ITGA9: variants seen among roughly 807,000 people sequenced by gnomAD.
ITGA9 encodes integrin alpha-9.
In ITGA9, 56 loss-of-function variants were observed where a neutral mutation model predicts 127.8. The observed-to-expected ratio is 0.44, with a 90% confidence interval of 0.35 to 0.55. The LOEUF is 0.55. Ranked by LOEUF, ITGA9 falls within the 20% of genes least tolerant of loss-of-function variation. The pLI is 0.00. For missense variants in ITGA9, 1,196 were observed against 1,347.1 expected, an observed-to-expected ratio of 0.89 and a Z score of 1.76; for synonymous variants, 508 against 514.5, an observed-to-expected ratio of 0.99 and a Z score of 0.17.
At chr3:37,738,264 C>T (rs1696389433) in intron 20 of ITGA9, among the ~76,000 whole-genome samples, 1 of 152,196 alleles carries the variant, frequency 6.6e-6, no homozygotes, top group African/African-American at 2.4e-5. Flanking sequence ...AGAAGGGCTT[C>T]AGTGGGGAGG....
rs149412161 is a variant in ITGA9 at position 37,711,595 on chromosome 3, T to A, written c.2068-21117T>A. 2.2e-3 allele frequency among the ~76,000 whole-genome samples: 339 copies of A among 152,178 alleles called. 3 individuals carry two copies. The highest frequency in any genetic ancestry group is 2.5e-3 in the East Asian group (13 of 5,176). On this transcript the variant is annotated intron_variant, in intron 18 of 27. Coordinates refer to ENST00000264741, the MANE Select transcript of ITGA9 (RefSeq NM_002207.3). Reference sequence around the variant, plus strand: ...ATTTTTTAATTTTTCGTAGAGATGGTGTCTTGCTGTGTTGCCCAGGCTGGC... The same window carrying A: ...ATTTTTTAATTTTTCGTAGAGATGGAGTCTTGCTGTGTTGCCCAGGCTGGC...
At chr3:37,512,269 G>C (rs761870526) in intron 8 of ITGA9, among the ~76,000 whole-genome samples, 1 of 148,284 alleles carries the variant, frequency 6.7e-6, no homozygotes, top group African/African-American at 2.5e-5. Context: ...GCCCAGGCTA[G>C]AGTGCAGTGG....
Position 37,740,769 on chromosome 3 carries a change from T to A in ITGA9, c.2235-961T>A, listed in dbSNP as rs185545215. 1.1e-4 allele frequency among the ~76,000 whole-genome samples: 17 copies of A among 152,338 alleles called. No individual in the cohort carries two copies. The East Asian group carries it at 3.3e-3, about 29-fold the overall frequency. On this transcript the variant is annotated intron_variant, in intron 20 of 27. Transcript: ENST00000264741. ...CCACTTAACAGCATCAATTCCCTCATGTTCACCTTTCCAGAATGATCTCAC... is the reference window on the plus strand; with the variant it reads ...CCACTTAACAGCATCAATTCCCTCAAGTTCACCTTTCCAGAATGATCTCAC...
At chr3:37,677,545 T>G (rs2125659596) in intron 17 of ITGA9, among the ~76,000 whole-genome samples, 1 of 152,362 alleles carries the variant, frequency 6.6e-6, no homozygotes, top group Non-Finnish European at 1.5e-5. Context: ...GCTAAGGAAA[T>G]AAACACAATT....
chr3:37,673,294 G>A (rs372315192), intron 17 of ITGA9, among the ~76,000 whole-genome samples: 2 of 152,296 alleles, frequency 1.3e-5, no homozygotes, highest in African/African-American at 2.4e-5. Context: ...GTAATGGACT[G>A]AGAATCTGAA....
intron 18 of ITGA9, among the ~76,000 whole-genome samples, chr3:37,727,712 A>T (rs1184901670): frequency 6.6e-6 from 1 of 152,200 alleles, no homozygotes. Flanking sequence ...CCTTTGCTTC[A>T]TATTTTGTCT....
intron 1 of ITGA9, among the ~76,000 whole-genome samples, chr3:37,468,103 T>G (rs1698390680): frequency 6.6e-6 from 1 of 152,106 alleles, no homozygotes; most frequent in Non-Finnish European, 1.5e-5. Flanking sequence ...TGCTTTGATT[T>G]CCAAAGGGCT....
chr3:37,500,514 C>G (rs1191872956), intron 5 of ITGA9, among the ~76,000 whole-genome samples: 1 of 152,184 alleles, frequency 6.6e-6, no homozygotes, highest in Non-Finnish European at 1.5e-5. Context: ...AGGCTCTTCC[C>G]CAAATTAACC....
At chr3:37,504,146 T>A (rs1406451643) in intron 6 of ITGA9, among the ~76,000 whole-genome samples, 1 of 152,134 alleles carries the variant, frequency 6.6e-6, no homozygotes, top group Non-Finnish European at 1.5e-5. Flanking sequence ...TAACTACAAG[T>A]TTTTTGCCTG....
chr3:37,532,245 G>A (rs1197209078), intron 13 of ITGA9, among the ~76,000 whole-genome samples: 1 of 152,210 alleles, frequency 6.6e-6, no homozygotes, highest in African/African-American at 2.4e-5. Flanking sequence ...CCAGCATGGT[G>A]GCAGCAGTGG....
chr3:37,773,518 A>G (rs763633487), intron 23 of ITGA9, among the ~76,000 whole-genome samples: 30 of 152,310 alleles, frequency 2.0e-4, no homozygotes, highest in Non-Finnish European at 3.5e-4. Flanking sequence ...ACAATGTACT[A>G]TATATGCCTA....
At chr3:37,576,230 A>G (rs1263354043) in intron 15 of ITGA9, among the ~76,000 whole-genome samples, 3 of 152,332 alleles carry the variant, frequency 2.0e-5, no homozygotes, top group East Asian at 3.9e-4. Context: ...GCAGCTGGGC[A>G]CACAGGGCTA....
At position 37,822,863 on chromosome 3, in the gene ITGA9, G is replaced by A. The variant is rs1575256056; in HGVS notation, c.*3874G>A. 5 of 152,328 alleles carry A rather than the reference G, an allele frequency of 3.3e-5. No individual in the cohort carries two copies. The South Asian group carries it at 1.0e-3, about 32-fold the overall frequency. The allele number at this position is 152,328 out of a possible 1,614,324, so 9.4% of individuals were successfully genotyped here. ...GTTACGTGTGAAACGTACATCTGGT[G>A]AACTGTATACTTGGCTCAAACTTCT... On this transcript the variant is annotated 3_prime_UTR_variant, in exon 28 of 28. Transcript: ENST00000264741.
intron 16 of ITGA9, among the ~76,000 whole-genome samples, chr3:37,644,798 A>G (rs1282489597): frequency 2.6e-5 from 4 of 152,212 alleles, no homozygotes; most frequent in African/African-American, 9.6e-5. Flanking sequence ...CAATTTGTAC[A>G]GACCCTGAGA....
chr3:37,721,727 G>T (rs1045369134), intron 18 of ITGA9, among the ~76,000 whole-genome samples: 1 of 152,122 alleles, frequency 6.6e-6, no homozygotes, highest in African/African-American at 2.4e-5. Flanking sequence ...CCCATTGTCT[G>T]CATTTGGCAT....
intron 18 of ITGA9, among the ~76,000 whole-genome samples, chr3:37,713,326 G>C (rs532441743): frequency 5.9e-5 from 9 of 152,116 alleles, no homozygotes; most frequent in Non-Finnish European, 1.3e-4. Context: ...TTTAAGCACA[G>C]CATTCTTTTC....
chr3:37,671,181 A>G (rs1700634401), intron 17 of ITGA9, among the ~76,000 whole-genome samples: 1 of 152,252 alleles, frequency 6.6e-6, no homozygotes, highest in Non-Finnish European at 1.5e-5. Context: ...CAGTTGTTAC[A>G]GTGAGTGAAC....
chr3:37,458,909 C>T (rs1218544210), intron 1 of ITGA9, among the ~76,000 whole-genome samples: 4 of 152,182 alleles, frequency 2.6e-5, no homozygotes, highest in Non-Finnish European at 4.4e-5. Context: ...GCTGAGCCAC[C>T]GAGTTCTCTG....
chr3:37,616,166 C>T (rs1418078371), intron 15 of ITGA9, among the ~76,000 whole-genome samples: 11 of 152,190 alleles, frequency 7.2e-5, no homozygotes, highest in Non-Finnish European at 1.5e-4. Flanking sequence ...TATGTTGTGT[C>T]TTTGTTCTCA....
Sources: gnomAD v4.1 joint callset for allele counts (sites outside exome capture counted in the v4.1 genomes callset) on GRCh38, gnomAD v4.1.1 for gene constraint, MANE v1.5 for transcripts, NCBI Gene and HGNC (gene_info 2026-07-23, HGNC 2026-07-21) for gene names.